The following SLC7A8 variants were observed in gnomAD, a reference collection of about 807,000 sequenced individuals.
The protein encoded by SLC7A8 is large neutral amino acids transporter small subunit 2.
Under a neutral mutation model 51.2 loss-of-function variants are expected in SLC7A8, and 30 were observed. The observed-to-expected ratio is 0.59, with a 90% confidence interval of 0.44 to 0.80. The LOEUF is 0.80. Ranked by LOEUF, SLC7A8 falls within the 30% of genes least tolerant of loss-of-function variation. SLC7A8 has a pLI of 0.00. For synonymous variants in SLC7A8, 257 were observed against 275.8 expected (o/e 0.93, Z 0.67); for missense variants, 612 against 674.4 (o/e 0.91, Z 1.03).
chr14:23,174,298 G>A (rs1385094792), intron 1 of SLC7A8, among the ~76,000 whole-genome samples: 5 of 152,212 alleles, frequency 3.3e-5, no homozygotes, highest in Admixed American at 6.5e-5. Flanking sequence ...CCTTTAAAAC[G>A]TGGAGACAGA....
At chr14:23,136,975 T>C (rs2048696181) in intron 7 of SLC7A8, among the ~76,000 whole-genome samples, 1 of 152,216 alleles carries the variant, frequency 6.6e-6, no homozygotes. Context: ...TTGCACTCCC[T>C]TGTTATTTCA....
At chr14:23,175,948 A>C (rs1226180057) in intron 1 of SLC7A8, among the ~76,000 whole-genome samples, 1 of 152,192 alleles carries the variant, frequency 6.6e-6, no homozygotes, top group East Asian at 1.9e-4. Flanking sequence ...TTTGTTTTGA[A>C]ATACCTCCTA....
Position 23,182,863 on chromosome 14 carries a change from C to G in SLC7A8, c.52G>C (p.Gly18Arg), listed in dbSNP as rs144958980. The G allele has an allele frequency of 7.4e-6, 12 of 1,614,156 alleles. No individual in the cohort carries two copies. The highest frequency in any genetic ancestry group is 1.6e-4 in the Middle Eastern group (1 of 6,062). ...TCGGGGCTGGCGTCCGACTCGCCCC[C>G]ACCTGGGTGTTTCTTTTCGGTGTTG... ...RNNTEKKHPG[G>R]GESDASPEAG... is the part of the protein sequence containing the mutation. Residue 18 changes from glycine to arginine, a missense_variant, in exon 1 of 11, where the codon GGG becomes CGG. By Grantham distance (125) the Gly-to-Arg change is moderately radical (BLOSUM62 -2). Transcript: ENST00000316902.
In SLC7A8 at chr14:23,137,923, A is replaced by C. The variant is rs1450345027; in HGVS notation, c.1014T>G (p.Ser338=). The part of the protein sequence containing the change: ...GGVNGSLFTS[S]RLFFAGAREG... ...GGAAGGGCCCAGGCAGCACTCACCG[A>C]GAGGAGGTGAAGAGAGACCCATTAA... The change falls in exon 7 of 11, where the codon TCT becomes TCG. Residue 338 remains serine, a splice_region_variant and synonymous_variant. Coordinates refer to ENST00000316902, the MANE Select transcript of SLC7A8 (RefSeq NM_012244.4). 6.2e-7 allele frequency: 1 copy of C among 1,613,826 alleles called. No individual in the cohort carries two copies. The highest frequency in any genetic ancestry group is 8.5e-7 in the Non-Finnish European group (1 of 1,179,976).
In SLC7A8 at chr14:23,133,918, AACAGG is replaced by A. The variant is rs146236238; in HGVS notation, c.1017-2366_1017-2362del. 2.7e-3 allele frequency among the ~76,000 whole-genome samples: 404 copies of A among 152,320 alleles called. 17 individuals carry two copies. In the East Asian group the frequency reaches 0.068, roughly 26 times the overall value. ...CTCAAAATATAACATCAAATGAAAA[AACAGG>A]ACTGAAAACTATAATGCAAATAATT... On this transcript the variant is annotated intron_variant, in intron 7 of 10. Transcript: ENST00000316902.
intron 1 of SLC7A8, among the ~76,000 whole-genome samples, chr14:23,176,977 A>G (rs1042991533): frequency 3.9e-5 from 6 of 151,920 alleles, no homozygotes; most frequent in Non-Finnish European, 8.8e-5. Flanking sequence ...GGATTTAGTA[A>G]GAGCTCAATA....
In SLC7A8 at chr14:23,125,734, C is replaced by T. The variant is rs2048569852; in HGVS notation, c.*1443G>A. The T allele has an allele frequency of 6.6e-6, 1 of 152,650 alleles. No individual in the cohort carries two copies. The highest frequency in any genetic ancestry group is 6.5e-5 in the Admixed American group (1 of 15,272). The allele number at this position is 152,650 out of a possible 1,614,324, so 9.5% of individuals were successfully genotyped here. A position where few individuals can be genotyped will look rare whatever the true frequency, so the allele number is the denominator to read the frequency against. ...TCCTGTGTATTCCAGTTTAAGCAGA[C>T]AGAATTCGGGGTGGGGGAGAGAATC... is the stretch of plus-strand genomic sequence containing the variant. On this transcript the variant is annotated 3_prime_UTR_variant, in exon 11 of 11. Transcript: ENST00000316902.
chr14:23,172,276 G>T (rs2048978631), intron 1 of SLC7A8, among the ~76,000 whole-genome samples: 1 of 152,190 alleles, frequency 6.6e-6, no homozygotes, highest in African/African-American at 2.4e-5. Context: ...AAACAGCACT[G>T]TACAGCCAGG....
At chr14:23,143,293 CTGACGATGACAT>C in intron 3 of SLC7A8, 89 bp from the exon 4 acceptor site, 1 of 1,545,192 alleles carries the variant, frequency 6.5e-7, no homozygotes, top group East Asian at 2.3e-5. Context: ...CTCCCTCATC[CTGACGATGACAT>C]TGTAGTAGGT....
intron 3 of SLC7A8, among the ~76,000 whole-genome samples, chr14:23,144,380 G>GT (rs1381115805): frequency 7.6e-6 from 1 of 131,782 alleles, no homozygotes; most frequent in African/African-American, 2.8e-5. Context: ...TAGGCATGTA[G>GT]TTGTATTTCA....
intron 3 of SLC7A8, among the ~76,000 whole-genome samples, chr14:23,150,363 G>A (rs1350123574): frequency 1.3e-5 from 2 of 152,186 alleles, no homozygotes; most frequent in Non-Finnish European, 2.9e-5. Flanking sequence ...GCTCAGAGGA[G>A]CTTGTGTAAG....
chr14:23,160,989 G>C (rs2048918800), intron 3 of SLC7A8, among the ~76,000 whole-genome samples: 1 of 150,494 alleles, frequency 6.6e-6, no homozygotes, highest in African/African-American at 2.4e-5. Context: ...TTTACTGCTG[G>C]GTGGCTAGGG....
chr14:23,132,870 A>T (rs1594817684), intron 7 of SLC7A8, among the ~76,000 whole-genome samples: 1 of 152,016 alleles, frequency 6.6e-6, no homozygotes, highest in East Asian at 1.9e-4. Flanking sequence ...TCCCGACCTC[A>T]GGTGATCTGC....
chr14:23,137,864 T>C lies in SLC7A8; in HGVS notation c.1016+57A>G, dbSNP rs1391831305. ...CAGAGACAAGCCCACCATATACAAA[T>C]AGCAAAGTGCACAGCAGAGTGGCCC... is the stretch of plus-strand genomic sequence containing the variant. On this transcript the variant is annotated intron_variant, in intron 7 of 10. Transcript: ENST00000316902. The C allele has an allele frequency of 3.8e-6, 6 of 1,592,042 alleles. No individual in the cohort carries two copies. The East Asian group carries it at 1.3e-4, about 36-fold the overall frequency.
At chr14:23,138,067 C>A (rs746983369) in intron 6 of SLC7A8, 43 bp from the exon 7 acceptor site, 8 of 1,608,470 alleles carry the variant, frequency 5.0e-6, no homozygotes, top group Non-Finnish European at 3.4e-6. Flanking sequence ...GAGGTCACCA[C>A]TCCCCGACCC....
intron 3 of SLC7A8, among the ~76,000 whole-genome samples, chr14:23,159,054 G>A (rs990769258): frequency 2.0e-5 from 3 of 152,176 alleles, no homozygotes; most frequent in East Asian, 3.9e-4. Context: ...TTGAAGCCCC[G>A]TTCTCTGTGT....
At chr14:23,164,055 C>T (rs2140333843) in intron 3 of SLC7A8, among the ~76,000 whole-genome samples, 1 of 152,068 alleles carries the variant, frequency 6.6e-6, no homozygotes, top group South Asian at 2.1e-4. Context: ...TCACTGTGGC[C>T]CAGAACTCCC....
At position 23,128,703 on chromosome 14, in the gene SLC7A8, C is replaced by T. The variant is rs1187124656; in HGVS notation, c.1264-507G>A. Among the ~76,000 whole-genome samples the T allele has an allele frequency of 6.6e-6, 1 of 152,224 alleles. No individual in the cohort carries two copies. ...GGCACAATATGGCAAATGTCAGCTC[C>T]TTATGGGCCACATGTGGGGAGTTCC... On this transcript the variant is annotated intron_variant, in intron 9 of 10. Transcript: ENST00000316902. The surrounding 1 kb of genome is among the most constrained non-coding windows in gnomAD (Gnocchi z 4.3).
chr14:23,128,348 C>A lies in SLC7A8; in HGVS notation c.1264-152G>T. 1 of 1,539,258 alleles carries A rather than the reference C, an allele frequency of 6.5e-7. No individual in the cohort carries two copies. Among genetic ancestry groups the A allele is most frequent in the South Asian group, 1.2e-5 (1 of 83,342 alleles). ...CTCGGCTCTGTGGTCCCACACTCAC[C>A]CCTGGTAGGGCAGGGGCTATATAAA... On this transcript the variant is annotated intron_variant, in intron 9 of 10. Coordinates refer to ENST00000316902, the MANE Select transcript of SLC7A8 (RefSeq NM_012244.4). The surrounding 1 kb of genome is among the most constrained non-coding windows in gnomAD (Gnocchi z 4.3).
Sources: gnomAD v4.1 joint callset for allele counts (sites outside exome capture counted in the v4.1 genomes callset) on GRCh38, gnomAD v4.1.1 for gene constraint, Gnocchi (gnomAD v3.1) non-coding constraint, MANE v1.5 for transcripts, NCBI Gene and HGNC (gene_info 2026-07-23, HGNC 2026-07-21) for gene names.